Variants in CAMSAP2 observed in about 807,000 individuals in gnomAD.
CAMSAP2 encodes the protein calmodulin regulated spectrin associated protein family member 2.
A neutral mutation model predicts 146.1 loss-of-function variants in CAMSAP2; 26 were observed. The observed-to-expected ratio is 0.18, with a 90% CI of 0.13 to 0.25. The LOEUF (loss-of-function observed/expected upper bound fraction) is 0.25. Among genes scored for constraint, CAMSAP2 ranks in the 10% least tolerant of loss-of-function variants. The pLI is 1.00. For missense variants in CAMSAP2, 1,381 were observed against 1,759.3 expected, an observed-to-expected ratio of 0.78 and a Z score of 3.85; for synonymous variants, 499 against 596.6, an observed-to-expected ratio of 0.84 and a Z score of 2.38.
Position 200,816,635 on chromosome 1 carries a change from T to TAC in CAMSAP2, c.645+999_645+1000dup, listed in dbSNP as rs1363821986. 4.9e-5 allele frequency among the ~76,000 whole-genome samples: 7 copies of TAC among 143,598 alleles called. 1 individual carries two copies. Among genetic ancestry groups the TAC allele is most frequent in the Non-Finnish European group, 7.6e-5 (5 of 66,012 alleles). 94.2% of individuals were successfully genotyped at this position (143,598 alleles called of 152,430 possible). A position where few individuals can be genotyped will look rare whatever the true frequency, so the allele number is the denominator to read the frequency against. ...ATATATATATATATATGTATATATA[T>TAC]ACACACACATATATATGCACACACA... On this transcript the variant is annotated intron_variant, in intron 4 of 16. Coordinates refer to ENST00000358823, the MANE Select transcript of CAMSAP2 (RefSeq NM_203459.4).
intron 2 of CAMSAP2, among the ~76,000 whole-genome samples, chr1:200,785,748 C>T (rs1294789665): frequency 2.0e-5 from 3 of 150,556 alleles, no homozygotes; most frequent in East Asian, 2.0e-4. Context: ...AGTGCAGTGG[C>T]GTGATCTTGG....
rs1306422795 is a variant in CAMSAP2 at position 200,738,968 on chromosome 1, C to A, written c.-860C>A. 7.3e-6 allele frequency among the ~76,000 whole-genome samples: 1 copy of A among 137,002 alleles called. No individual in the cohort carries two copies. The highest frequency in any genetic ancestry group is 2.8e-5 in the African/African-American group (1 of 36,154). The allele number at this position is 137,002 out of a possible 152,430, so 89.9% of individuals were successfully genotyped here. On this transcript the variant is annotated 5_prime_UTR_variant, in exon 1 of 17. Transcript: ENST00000358823. ...GGCGGCGGCGGCGGCTGAGGGGGAA[C>A]GATCCAGCGAGCTGCAGAAAGGGGG...
chr1:200,753,217 G>A (rs911420373), intron 1 of CAMSAP2, among the ~76,000 whole-genome samples: 6 of 149,728 alleles, frequency 4.0e-5, no homozygotes, highest in Non-Finnish European at 5.9e-5. Flanking sequence ...AGAATTGCTT[G>A]AACCTGGGAG....
At chr1:200,756,464 GAAA>G (rs919266609) in intron 1 of CAMSAP2, among the ~76,000 whole-genome samples, 2 of 143,002 alleles carry the variant, frequency 1.4e-5, no homozygotes, top group African/African-American at 5.2e-5. Context: ...AAGAAAAAAA[GAAA>G]AAAAAAAGAA....
chr1:200,803,953 G>C (rs1309664050), intron 2 of CAMSAP2, among the ~76,000 whole-genome samples: 2 of 150,572 alleles, frequency 1.3e-5, no homozygotes, highest in African/African-American at 4.9e-5. Flanking sequence ...TTGAGACAGA[G>C]TCTTGCTCTG....
intron 8 of CAMSAP2, 85 bp from the exon 9 acceptor site, chr1:200,847,125 A>T: frequency 1.1e-6 from 1 of 877,628 alleles, no homozygotes; most frequent in Non-Finnish European, 1.8e-6. Flanking sequence ...GAGAGGTGGT[A>T]GTGTTGTTTC....
At chr1:200,746,726 C>T (rs1272544852) in intron 1 of CAMSAP2, among the ~76,000 whole-genome samples, 2 of 151,438 alleles carry the variant, frequency 1.3e-5, no homozygotes, top group Non-Finnish European at 1.5e-5. Flanking sequence ...TCTCGCCATT[C>T]TCCTGCCTCA....
At chr1:200,829,506 C>T (rs933084395) in intron 4 of CAMSAP2, among the ~76,000 whole-genome samples, 9 of 152,234 alleles carry the variant, frequency 5.9e-5, no homozygotes, top group Non-Finnish European at 1.3e-4. Flanking sequence ...TCACCAGTAG[C>T]GGACCAAAAC....
intron 4 of CAMSAP2, among the ~76,000 whole-genome samples, chr1:200,819,708 C>T (rs1277546954): frequency 6.6e-6 from 1 of 151,996 alleles, no homozygotes; most frequent in Non-Finnish European, 1.5e-5. Context: ...CAGTTTTTCC[C>T]TTCTCGATAT....
intron 2 of CAMSAP2, among the ~76,000 whole-genome samples, chr1:200,768,445 T>C (rs946612060): frequency 2.6e-5 from 4 of 152,166 alleles, no homozygotes; most frequent in Admixed American, 6.5e-5. Flanking sequence ...TTTTGTGCTA[T>C]GCCAAGTGTT....
intron 3 of CAMSAP2, among the ~76,000 whole-genome samples, chr1:200,807,820 A>C (rs2102145706): frequency 6.8e-6 from 1 of 147,462 alleles, no homozygotes; most frequent in South Asian, 2.1e-4. Flanking sequence ...GGCTCACTGC[A>C]ACCTCCGCCC....
chr1:200,814,394 G>A (rs1034692361), intron 3 of CAMSAP2, among the ~76,000 whole-genome samples: 18 of 151,728 alleles, frequency 1.2e-4, no homozygotes, highest in African/African-American at 9.7e-5. Flanking sequence ...ATCACCTGAG[G>A]TCAGGAGTTT....
intron 1 of CAMSAP2, among the ~76,000 whole-genome samples, chr1:200,756,062 AG>A (rs1664639910): frequency 6.6e-6 from 1 of 152,160 alleles, no homozygotes; most frequent in South Asian, 2.1e-4. Flanking sequence ...GGGAAAGTGG[AG>A]GAAGTTGAGG....
chr1:200,777,726 T>G (rs911167390), intron 2 of CAMSAP2, among the ~76,000 whole-genome samples: 7 of 152,194 alleles, frequency 4.6e-5, no homozygotes, highest in African/African-American at 1.7e-4. Context: ...TCTCTATATA[T>G]GCTATATGTG....
At chr1:200,805,750 G>C (rs142266001) in intron 2 of CAMSAP2, among the ~76,000 whole-genome samples, 1 of 152,232 alleles carries the variant, frequency 6.6e-6, no homozygotes, top group Admixed American at 6.5e-5. Flanking sequence ...CAACAAGCCA[G>C]GGCACAAAAG....
intron 4 of CAMSAP2, among the ~76,000 whole-genome samples, chr1:200,818,924 T>G (rs1012403887): frequency 3.3e-5 from 5 of 152,238 alleles, no homozygotes; most frequent in Admixed American, 3.3e-4. Flanking sequence ...TGTTGCCTAT[T>G]GCTTGTCCAG....
intron 6 of CAMSAP2, among the ~76,000 whole-genome samples, chr1:200,835,635 TC>T (rs1246021031): frequency 6.6e-6 from 1 of 152,218 alleles, no homozygotes. Flanking sequence ...AAAATTTTTT[TC>T]TAATTGATGT....
At chr1:200,762,781 A>G (rs1386487205) in intron 2 of CAMSAP2, among the ~76,000 whole-genome samples, 1 of 152,200 alleles carries the variant, frequency 6.6e-6, no homozygotes, top group Non-Finnish European at 1.5e-5. Context: ...TAATTTTAAA[A>G]TGAGGGGTTT....
intron 1 of CAMSAP2, among the ~76,000 whole-genome samples, chr1:200,746,348 G>C (rs1399136677): frequency 6.6e-6 from 1 of 152,168 alleles, no homozygotes; most frequent in Non-Finnish European, 1.5e-5. Context: ...AAGGCTTGGT[G>C]ATTGATTGGA....
Sources: allele counts gnomAD v4.1 joint callset (sites outside exome capture counted in the v4.1 genomes callset), GRCh38; gene constraint gnomAD v4.1.1; transcripts MANE v1.5; gene names NCBI Gene and HGNC (gene_info 2026-07-23, HGNC 2026-07-21).